Variants in CYRIB observed in about 807,000 individuals in gnomAD.
CYRIB encodes CYFIP related Rac1 interactor B, also known as CYFIP-related Rac1 interactor B.
In CYRIB, 8 loss-of-function variants were observed where a neutral mutation model predicts 44.2. The ratio of observed to expected loss-of-function variants is 0.18; its 90% CI spans 0.11 to 0.33. The LOEUF (loss-of-function observed/expected upper bound fraction) is 0.33, where lower values mean the gene tolerates loss of function less well. CYRIB is among the 10% of genes least tolerant of loss of function. The pLI is 1.00. For missense variants in CYRIB, 185 were observed against 382.8 expected (o/e 0.48, Z 4.31); for synonymous variants, 131 against 127.2 (o/e 1.03, Z -0.20).
intron 2 of CYRIB, among the ~76,000 whole-genome samples, chr8:129,967,672 C>T (rs1322245357): frequency 2.6e-5 from 4 of 152,170 alleles, no homozygotes; most frequent in Admixed American, 1.3e-4. Flanking sequence ...AGCCACCGTG[C>T]CCGGCTTTCT....
chr8:129,998,057 G>A (rs927090799), intron 1 of CYRIB, among the ~76,000 whole-genome samples: 3 of 149,696 alleles, frequency 2.0e-5, no homozygotes, highest in Non-Finnish European at 4.4e-5. Context: ...GGAGGCAGAG[G>A]TTGCAGTGAG....
At chr8:129,958,202 T>C (rs928353735) in intron 2 of CYRIB, among the ~76,000 whole-genome samples, 4 of 152,126 alleles carry the variant, frequency 2.6e-5, no homozygotes, top group Admixed American at 2.6e-4. Context: ...TTGTATCTGC[T>C]GGGGTGGAAT....
At chr8:129,863,137 G>T (rs1313235853) in intron 4 of CYRIB, among the ~76,000 whole-genome samples, 2 of 152,142 alleles carry the variant, frequency 1.3e-5, no homozygotes, top group African/African-American at 4.8e-5. Flanking sequence ...CTGGGAACAG[G>T]CTAAGAAATT....
rs10091431 is a variant in CYRIB, at chr8:129,977,779, G to A, written c.-295-6784C>T. 8.2e-3 allele frequency among the ~76,000 whole-genome samples: 1,250 copies of A among 152,108 alleles called. 14 individuals are homozygous for A. Among genetic ancestry groups the A allele is most frequent in the African/African-American group, 0.029 (1,204 of 41,484 alleles). On this transcript the variant is annotated intron_variant, in intron 1 of 14. Coordinates refer to the CYRIB transcript ENST00000401979. Reference sequence around the variant, plus strand: ...GATCTCCTGACCTCGTGATCTGCCCGCCTTGGCCTCCCAAAGTGCTGGGAT... The same window carrying A: ...GATCTCCTGACCTCGTGATCTGCCCACCTTGGCCTCCCAAAGTGCTGGGAT...
chr8:129,904,909 T>G (rs2074414829), intron 1 of CYRIB, among the ~76,000 whole-genome samples: 1 of 152,198 alleles, frequency 6.6e-6, no homozygotes, highest in Non-Finnish European at 1.5e-5. Flanking sequence ...CTTAGGTAAA[T>G]GTTAACCAGG....
chr8:129,958,962 G>A (rs535877816), intron 2 of CYRIB, among the ~76,000 whole-genome samples: 2 of 151,198 alleles, frequency 1.3e-5, no homozygotes, highest in South Asian at 2.1e-4. Context: ...CTACTCGGGA[G>A]GCTGAGGCAG....
At chr8:129,888,858 C>T (rs1321272607) in intron 2 of CYRIB, among the ~76,000 whole-genome samples, 2 of 152,034 alleles carry the variant, frequency 1.3e-5, no homozygotes, top group African/African-American at 4.8e-5. Flanking sequence ...TTTGGGAGGC[C>T]GAGGTGGGCG....
At chr8:129,957,573 G>C (rs113950964) in intron 2 of CYRIB, among the ~76,000 whole-genome samples, 1 of 152,176 alleles carries the variant, frequency 6.6e-6, no homozygotes, top group Non-Finnish European at 1.5e-5. Flanking sequence ...GCTCACACCT[G>C]TAATCCCAGC....
chr8:129,967,524 C>A (rs573156832), intron 2 of CYRIB, among the ~76,000 whole-genome samples: 3 of 152,100 alleles, frequency 2.0e-5, no homozygotes, highest in South Asian at 2.1e-4. Flanking sequence ...GGACTACAGG[C>A]GCCTGCCACC....
chr8:129,914,723 T>C (rs1286372996), intron 1 of CYRIB, among the ~76,000 whole-genome samples: 3 of 152,254 alleles, frequency 2.0e-5, no homozygotes, highest in African/African-American at 7.2e-5. Flanking sequence ...ATGAGAGTTA[T>C]GTTTTGACGA....
intron 2 of CYRIB, among the ~76,000 whole-genome samples, chr8:129,947,301 C>A (rs542022695): frequency 6.8e-4 from 103 of 152,232 alleles, no homozygotes; most frequent in Admixed American, 2.9e-3. Flanking sequence ...TTCAAGTGAT[C>A]CTCCTGCCTC....
chr8:130,004,204 A>G (rs537000637), intron 1 of CYRIB, among the ~76,000 whole-genome samples: 2 of 152,322 alleles, frequency 1.3e-5, no homozygotes, highest in South Asian at 4.1e-4. Context: ...AAGACAACTT[A>G]GCACATTCCG....
At chr8:130,006,050 C>A (rs902246788) in intron 1 of CYRIB, among the ~76,000 whole-genome samples, 5 of 152,220 alleles carry the variant, frequency 3.3e-5, no homozygotes, top group Non-Finnish European at 7.4e-5. Context: ...TGCCTGTAAT[C>A]CCAGCACTTT....
At chr8:129,870,484 C>A (rs2056704601) in intron 4 of CYRIB, among the ~76,000 whole-genome samples, 1 of 152,222 alleles carries the variant, frequency 6.6e-6, no homozygotes, top group African/African-American at 2.4e-5. Context: ...ATCACCAACA[C>A]ATGTTTTGAA....
rs577681615 is a variant in CYRIB at position 129,966,867 on chromosome 8, A to AT, written c.-243+4075dup. Among the ~76,000 whole-genome samples the AT allele has an allele frequency of 4.2e-3, 630 of 151,664 alleles. 4 individuals are homozygous for AT. Among genetic ancestry groups the AT allele is most frequent in the African/African-American group, 0.015 (603 of 41,368 alleles). On this transcript the variant is annotated intron_variant, in intron 2 of 14. Transcript: ENST00000401979. ...ATACCACCACACCCAGCTAATTTAT[A>AT]TTTTTTTTGTAGAAACAGGGTTTCG...
At chr8:129,909,458 G>A (rs1196600846) in intron 1 of CYRIB, among the ~76,000 whole-genome samples, 5 of 151,796 alleles carry the variant, frequency 3.3e-5, no homozygotes, top group Admixed American at 3.3e-4. Flanking sequence ...CTTTGTATTT[G>A]TACTGCTTTT....
intron 1 of CYRIB, among the ~76,000 whole-genome samples, chr8:130,004,339 A>T (rs1410092527): frequency 6.6e-6 from 1 of 152,142 alleles, no homozygotes; most frequent in Non-Finnish European, 1.5e-5. Flanking sequence ...TCCTGGGCTC[A>T]ATCAATCCTC....
At chr8:130,013,071 G>C (rs923499663) in intron 1 of CYRIB, among the ~76,000 whole-genome samples, 1 of 152,210 alleles carries the variant, frequency 6.6e-6, no homozygotes, top group Non-Finnish European at 1.5e-5. Context: ...AGCTAAAACA[G>C]AGAGATGAAT....
At chr8:129,920,778 C>T (rs905586484) in intron 1 of CYRIB, among the ~76,000 whole-genome samples, 2 of 152,120 alleles carry the variant, frequency 1.3e-5, no homozygotes, top group African/African-American at 4.8e-5. Flanking sequence ...ATTCCCCTAT[C>T]CCCTTTCATT....
Sources: gnomAD v4.1 joint callset for allele counts (sites outside exome capture counted in the v4.1 genomes callset) on GRCh38, gnomAD v4.1.1 for gene constraint, MANE v1.5 for transcripts, NCBI Gene and HGNC (gene_info 2026-07-23, HGNC 2026-07-21) for gene names.